Variants in NOS1 observed in about 807,000 individuals in gnomAD.
NOS1 encodes the protein nitric oxide synthase 1.
Under a neutral mutation model 164.5 loss-of-function variants are expected in NOS1, and 51 were observed. The ratio of observed to expected loss-of-function variants is 0.31; its 90% CI spans 0.25 to 0.39. The LOEUF (loss-of-function observed/expected upper bound fraction) is 0.39. Ranked by LOEUF, NOS1 falls within the 10% of genes least tolerant of loss-of-function variation. The pLI is 1.00. For missense variants in NOS1, 1,362 were observed against 1,885.6 expected (o/e 0.72, Z 5.14); for synonymous variants, 719 against 745.8 (o/e 0.96, Z 0.59).
At chr12:117,333,985 A>G (rs1330124866) in intron 1 of NOS1, among the ~76,000 whole-genome samples, 2 of 152,218 alleles carry the variant, frequency 1.3e-5, no homozygotes, top group African/African-American at 4.8e-5. Context: ...TTAATGAAAG[A>G]AGCAACTGAA....
chr12:117,291,860 T>G (rs1346380039), intron 3 of NOS1, among the ~76,000 whole-genome samples: 1 of 152,082 alleles, frequency 6.6e-6, no homozygotes, highest in African/African-American at 2.4e-5. Context: ...TCTTGGATGC[T>G]CCTGGGTTAT....
intron 18 of NOS1, chr12:117,246,224 TG>T: frequency 6.5e-6 from 1 of 154,984 alleles, no homozygotes. Flanking sequence ...CCTGGTGAGG[TG>T]GGGATGCAGA....
Position 117,210,687 on chromosome 12 carries a change from G to C in NOS1, c.*4622C>G, listed in dbSNP as rs78784523. 2 of 985,292 alleles carry C rather than the reference G, an allele frequency of 2.0e-6. No individual in the cohort carries two copies. The highest frequency in any genetic ancestry group is 6.2e-5 in the Admixed American group (1 of 16,250). The allele number at this position is 985,292 out of a possible 1,614,324, so 61.0% of individuals were successfully genotyped here. ...ACACCTCTCACTTGTTTTGAGCTTA[G>C]GGCAAGACCTGACCTCTTTCAAAGT... On this transcript the variant is annotated 3_prime_UTR_variant, in exon 29 of 29. Coordinates refer to ENST00000317775, the MANE Select transcript of NOS1 (RefSeq NM_000620.5).
chr12:117,252,513 T>C (rs1160681376), intron 17 of NOS1, among the ~76,000 whole-genome samples: 1 of 152,180 alleles, frequency 6.6e-6, no homozygotes, highest in Non-Finnish European at 1.5e-5. Flanking sequence ...TCAAAACCTA[T>C]AGAATGTTCA....
In NOS1 at chr12:117,311,569, T is replaced by C. The variant is rs1874436270; in HGVS notation, c.749A>G (p.Lys250Arg). ...VDRDLDGKSHKPLPLGVENDR... is the reference protein window; with the variant it reads ...VDRDLDGKSHRPLPLGVENDR... ...GTTCTCCACGCCGAGGGGCAGAGGT[T>C]TGTGTGACTTGCCGTCCAAATCTCT... is the stretch of plus-strand genomic sequence containing the variant. The change falls in exon 3 of 29, where the codon AAA (lysine) becomes AGA (arginine). Residue 250 changes from lysine (K) to arginine (R), a missense_variant. This residue lies in a region of NOS1 where 362 missense variants were observed against 402.0 expected (regional missense o/e 0.90). Transcript: ENST00000317775. The C allele has an allele frequency of 1.9e-6, 3 of 1,612,086 alleles. No individual in the cohort carries two copies. The highest frequency in any genetic ancestry group is 2.5e-6 in the Non-Finnish European group (3 of 1,178,950).
chr12:117,333,703 C>T (rs1004802760), intron 1 of NOS1, among the ~76,000 whole-genome samples: 2 of 152,198 alleles, frequency 1.3e-5, no homozygotes, highest in Admixed American at 6.5e-5. Flanking sequence ...TGTATTCATG[C>T]GTCGCCCGCG....
chr12:117,250,406 G>A (rs1362388827), intron 17 of NOS1, among the ~76,000 whole-genome samples: 1 of 148,130 alleles, frequency 6.8e-6, no homozygotes, highest in Non-Finnish European at 1.5e-5. Context: ...TTGGCTCACT[G>A]CAGCCTCTGC....
intron 3 of NOS1, among the ~76,000 whole-genome samples, chr12:117,292,636 G>A (rs183187827): frequency 3.9e-5 from 6 of 152,324 alleles, no homozygotes; most frequent in Admixed American, 3.9e-4. Context: ...AGTTGCCCAA[G>A]ATTGTAGAGC....
chr12:117,257,365 G>A lies in NOS1; in HGVS notation c.2531+1032C>T, dbSNP rs1479432847. Among the ~76,000 whole-genome samples, 6 of 152,118 alleles carry A rather than the reference G, an allele frequency of 3.9e-5. No homozygotes were observed. In the East Asian group the frequency reaches 1.2e-3, roughly 29 times the overall value. On this transcript the variant is annotated intron_variant, in intron 16 of 28. Transcript: ENST00000317775. Reference sequence around the variant, plus strand: ...CCCAAAGCACTAGGATTATAGGCATGAGCCACCGTGCCCAGCCATCAATGG... The same window carrying A: ...CCCAAAGCACTAGGATTATAGGCATAAGCCACCGTGCCCAGCCATCAATGG...
intron 16 of NOS1, among the ~76,000 whole-genome samples, chr12:117,258,054 C>T (rs981310334): frequency 1.6e-4 from 25 of 152,080 alleles, no homozygotes; most frequent in African/African-American, 5.3e-4. Context: ...CCATCTGCCT[C>T]GGCCTCCCAA....
intron 27 of NOS1, among the ~76,000 whole-genome samples, chr12:117,219,229 C>G (rs1956660514): frequency 6.6e-6 from 1 of 152,106 alleles, no homozygotes. Context: ...GATACACCTG[C>G]CTTGGCCTCC....
rs1197824189 is a variant in NOS1 at position 117,324,688 on chromosome 12, C to T, written c.725+5657G>A. Among the ~76,000 whole-genome samples the T allele has an allele frequency of 4.8e-5, 7 of 146,732 alleles. 1 individual carries two copies. The South Asian group carries it at 8.3e-4, about 17-fold the overall frequency. On this transcript the variant is annotated intron_variant, in intron 2 of 28. Coordinates refer to ENST00000317775, the MANE Select transcript of NOS1 (RefSeq NM_000620.5). ...CCATCATGGCGCCACTGCACTCCAG[C>T]CTGGGCTACAGAGCAAGACTCTGTC...
Position 117,330,831 on chromosome 12 carries a change from G to A in NOS1, c.239C>T (p.Ala80Val). Residue 80 changes from alanine to valine, a missense_variant, in exon 2 of 29, where the codon GCC becomes GTC. Physicochemically the swap from Ala to Val is moderately conservative, Grantham distance 64. Coordinates refer to ENST00000317775, the MANE Select transcript of NOS1 (RefSeq NM_000620.5). This position sits in a 1 kb window ranked among gnomAD's most constrained non-coding sequence, Gnocchi z 4.6. ...RPLVDLSYDSALEVLRGIASE... is the reference protein window; with the variant it reads ...RPLVDLSYDSVLEVLRGIASE... ...GGCAATGCCTCTGAGTACCTCCAGG[G>A]CGCTGTCATAGCTCAGGTCCACCAA... 6.2e-7 allele frequency: 1 copy of A among 1,614,072 alleles called. No homozygotes were observed. Among genetic ancestry groups the A allele is most frequent in the East Asian group, 2.2e-5 (1 of 44,858 alleles).
intron 18 of NOS1, among the ~76,000 whole-genome samples, chr12:117,246,956 T>C (rs1870662626): frequency 6.6e-6 from 1 of 152,170 alleles, no homozygotes; most frequent in South Asian, 2.1e-4. Context: ...AGTGAAGATC[T>C]AGTACAAGAG....
chr12:117,220,832 G>A (rs1332437587), intron 26 of NOS1, among the ~76,000 whole-genome samples: 2 of 152,018 alleles, frequency 1.3e-5, no homozygotes, highest in African/African-American at 2.4e-5. Flanking sequence ...GGCGTGTCCA[G>A]TACAGCTCCA....
rs1338661407 is a variant in NOS1 at position 117,227,135 on chromosome 12, C to T, written c.3616+296G>A. On this transcript the variant is annotated intron_variant, in intron 23 of 28. Transcript: ENST00000317775. ...GACTTACAACCAGCTGGGCATGATA[C>T]AGCAGAGCGCTCTCCCAGGGAGTGA... 2.6e-5 allele frequency among the ~76,000 whole-genome samples: 4 copies of T among 152,296 alleles called. No individual in the cohort carries two copies. The East Asian group carries it at 7.7e-4, about 29-fold the overall frequency.
chr12:117,326,381 G>C (rs1345213594), intron 2 of NOS1, among the ~76,000 whole-genome samples: 1 of 130,988 alleles, frequency 7.6e-6, no homozygotes, highest in Non-Finnish European at 1.6e-5. Flanking sequence ...GCGAGACTCT[G>C]TCTCAAAAAA....
intron 9 of NOS1, among the ~76,000 whole-genome samples, chr12:117,277,331 T>TG (rs1004869631): frequency 1.2e-4 from 19 of 152,168 alleles, no homozygotes; most frequent in African/African-American, 4.3e-4. Context: ...ATGCCTGTAA[T>TG]GCCAGCACTT....
In NOS1 at chr12:117,330,709, G is replaced by A. The variant is rs1875499703; in HGVS notation, c.361C>T (p.Arg121Trp). Residue 121 changes from arginine to tryptophan, a missense_variant, in exon 2 of 29, where the codon CGG becomes TGG. Coordinates refer to ENST00000317775, the MANE Select transcript of NOS1 (RefSeq NM_000620.5). This position sits in a 1 kb window ranked among gnomAD's most constrained non-coding sequence, Gnocchi z 4.6. ...GGGGGACCCAGGGGCTGTGTCACCC[G>A]GATGGTCTTGGGGGTCCCATCACCT... The part of the protein sequence containing the change: ...FTGDGTPKTI[R>W]VTQPLGPPTK... The A allele has an allele frequency of 1.2e-6, 2 of 1,613,886 alleles. No individual in the cohort carries two copies. The highest frequency in any genetic ancestry group is 1.7e-6 in the Non-Finnish European group (2 of 1,179,882).
Sources: gnomAD v4.1 joint callset for allele counts (sites outside exome capture counted in the v4.1 genomes callset) on GRCh38, gnomAD v4.1.1 for gene constraint, gnomAD v4.1.1 regional missense constraint, Gnocchi (gnomAD v3.1) non-coding constraint, MANE v1.5 for transcripts, NCBI Gene and HGNC (gene_info 2026-07-23, HGNC 2026-07-21) for gene names.